The following FAAP20 variants were observed in gnomAD, a reference collection of about 807,000 sequenced individuals.
FAAP20 encodes Fanconi anemia core complex-associated protein 20.
A neutral mutation model predicts 16.2 loss-of-function variants in FAAP20; 12 were observed. The observed-to-expected ratio is 0.74, with a 90% CI of 0.48 to 1.20. FAAP20 has a LOEUF of 1.20. Ranked by LOEUF, FAAP20 falls within the 50% of genes most tolerant of loss-of-function variation. The pLI is 0.00. For missense variants in FAAP20, 288 were observed against 245.8 expected, an observed-to-expected ratio of 1.17 and a Z score of -1.15; for synonymous variants, 141 against 110.7, an observed-to-expected ratio of 1.27 and a Z score of -1.72.
chr1:2,209,806 A>G (rs1689387488), downstream of FAAP20, among the ~76,000 whole-genome samples: 1 of 152,164 alleles, frequency 6.6e-6, no homozygotes, highest in South Asian at 2.1e-4. Context: ...TCACACCCCC[A>G]GGACCCTTCA....
upstream of FAAP20, among the ~76,000 whole-genome samples, chr1:2,195,489 G>A (rs1688774526): frequency 6.6e-6 from 1 of 152,236 alleles, no homozygotes; most frequent in Non-Finnish European, 1.5e-5. Flanking sequence ...GAAGGAGTGG[G>A]GTCTACAGAG....
chr1:2,193,469 T>C, intron 3 of FAAP20, 170 bp downstream of exon 3: 1 of 1,092,024 alleles, frequency 9.2e-7, no homozygotes, highest in Non-Finnish European at 1.3e-6. Flanking sequence ...CCCAGACCCG[T>C]GACAGAGAGC....
downstream of FAAP20, among the ~76,000 whole-genome samples, chr1:2,188,776 C>T (rs561103407): frequency 2.0e-5 from 3 of 152,122 alleles, no homozygotes; most frequent in Non-Finnish European, 4.4e-5. Context: ...GAGGCCGAGG[C>T]GGGCGGATCA....
chr1:2,197,443 G>A (rs1465294234), upstream of FAAP20, among the ~76,000 whole-genome samples: 2 of 152,250 alleles, frequency 1.3e-5, no homozygotes, highest in Non-Finnish European at 2.9e-5. Flanking sequence ...CTCGCTGCGG[G>A]TGCCCCAAGG....
At chr1:2,189,196 G>A (rs1056943973), downstream of FAAP20, among the ~76,000 whole-genome samples, 1 of 151,762 alleles carries the variant, frequency 6.6e-6, no homozygotes, top group Non-Finnish European at 1.5e-5. Context: ...CGCTGGGTGT[G>A]GTGACGCGCG....
At chr1:2,185,452 C>G, downstream of FAAP20, 1 of 718,672 alleles carries the variant, frequency 1.4e-6, no homozygotes, top group Non-Finnish European at 2.6e-6. Context: ...CAGACGCAAC[C>G]CACACGTAGG....
At position 2,189,635 on chromosome 1, in the gene FAAP20, GC is replaced by G. The variant is rs1357033400; in HGVS notation, c.*73del. On this transcript the variant is annotated 3_prime_UTR_variant, in exon 4 of 4. Coordinates refer to ENST00000378546, the MANE Select transcript of FAAP20 (RefSeq NM_182533.4). ...GAGAGGCGGGGCTGCTGGCGGGGGA[GC>G]CGAGAGGCGGGGCTGCTGGCGGGGG... 1.6e-6 allele frequency: 2 copies of G among 1,268,626 alleles called. No homozygotes were observed. The highest frequency in any genetic ancestry group is 3.0e-5 in the African/African-American group (2 of 67,134). The allele number at this position is 1,268,626 out of a possible 1,614,324, so 78.6% of individuals were successfully genotyped here.
chr1:2,190,576 G>C (rs1688099517), intron 3 of FAAP20: 2 of 366,090 alleles, frequency 5.5e-6, no homozygotes, highest in Non-Finnish European at 1.1e-5. Flanking sequence ...AGCCAGGACA[G>C]TTGACTTCCG....
downstream of FAAP20, among the ~76,000 whole-genome samples, chr1:2,188,874 G>A (rs950437994): frequency 1.2e-4 from 19 of 152,100 alleles, no homozygotes; most frequent in South Asian, 8.3e-4. Flanking sequence ...GCGTGGTGGC[G>A]GGCGCCTGTA....
upstream of FAAP20, among the ~76,000 whole-genome samples, chr1:2,204,855 C>T (rs890842277): frequency 6.6e-6 from 1 of 151,838 alleles, no homozygotes; most frequent in Non-Finnish European, 1.5e-5. Context: ...GTTCCTCTGC[C>T]GGACCCTCCT....
At chr1:2,186,335 G>A (rs1011088324), downstream of FAAP20, 9 of 222,188 alleles carry the variant, frequency 4.1e-5, no homozygotes, top group African/African-American at 7.0e-5. Context: ...GCAGGTGAGC[G>A]TGGCCCACCC....
At chr1:2,194,160 G>T in intron 1 of FAAP20, 27 bp from the exon 2 acceptor site, 1 of 1,610,792 alleles carries the variant, frequency 6.2e-7, no homozygotes, top group Non-Finnish European at 8.5e-7. Flanking sequence ...GGGCAGACAG[G>T]GGGTACTCAG....
Position 2,194,233 on chromosome 1 carries a change from G to C in FAAP20, c.63-100C>G, listed in dbSNP as rs565012410. The C allele has an allele frequency of 3.6e-5, 53 of 1,485,190 alleles. No individual in the cohort carries two copies. In the East Asian group the frequency reaches 5.5e-4, roughly 15 times the overall value. The allele number at this position is 1,485,190 out of a possible 1,614,324, so 92.0% of individuals were successfully genotyped here. On this transcript the variant is annotated intron_variant, in intron 1 of 3. Coordinates refer to ENST00000378546, the MANE Select transcript of FAAP20 (RefSeq NM_182533.4). ...TGGGGCAGAGAGAGCGGGGAGATGG[G>C]GGGTACTAGAGGGAAATTCGATGGT...
intron 2 of FAAP20, 32 bp from the exon 3 acceptor site, chr1:2,193,942 C>T (rs1463471611): frequency 1.3e-5 from 21 of 1,612,076 alleles, no homozygotes; most frequent in African/African-American, 2.7e-5. Context: ...CCTTGCCCAG[C>T]GATGGCTCCC....
upstream of FAAP20, among the ~76,000 whole-genome samples, chr1:2,196,421 G>T (rs1268992262): frequency 1.3e-5 from 2 of 152,116 alleles, no homozygotes; most frequent in Non-Finnish European, 2.9e-5. The surrounding 1 kb of genome is among the most constrained non-coding windows in gnomAD (Gnocchi z 4.5). Context: ...AGCTGGGCAT[G>T]GTGGCATGTG....
At chr1:2,201,111 C>T (rs1043522525), upstream of FAAP20, 33 of 1,287,742 alleles carry the variant, frequency 2.6e-5, no homozygotes, top group Middle Eastern at 5.4e-4. Context: ...CCTGTGCAGC[C>T]GGCTGTGAAC....
upstream of FAAP20, among the ~76,000 whole-genome samples, chr1:2,195,043 T>A (rs1688750152): frequency 6.6e-6 from 1 of 151,192 alleles, no homozygotes; most frequent in African/African-American, 2.4e-5. Context: ...GTTACCCCGA[T>A]GGCTGCCCGG....
At chr1:2,201,354 C>T (rs1445261435), upstream of FAAP20, 1 of 726,036 alleles carries the variant, frequency 1.4e-6, no homozygotes, top group Non-Finnish European at 1.8e-6. Flanking sequence ...CACCCGTGGG[C>T]AGGGAGCAAG....
At chr1:2,198,813 T>G, upstream of FAAP20, 1 of 1,289,720 alleles carries the variant, frequency 7.8e-7, no homozygotes, top group Non-Finnish European at 1.0e-6. Flanking sequence ...GGAACTGGGC[T>G]GTGCTCCACC....
Sources: allele counts gnomAD v4.1 joint callset (sites outside exome capture counted in the v4.1 genomes callset), GRCh38; gene constraint gnomAD v4.1.1; non-coding constraint Gnocchi (gnomAD v3.1); transcripts MANE v1.5; gene names NCBI Gene and HGNC (gene_info 2026-07-23, HGNC 2026-07-21).